Variants in DOCK9 observed in about 807,000 individuals in gnomAD.
The protein encoded by DOCK9 is dedicator of cytokinesis protein 9.
A neutral mutation model predicts 263.3 loss-of-function variants in DOCK9; 89 were observed. The ratio of observed to expected loss-of-function variants is 0.34; its 90% CI spans 0.28 to 0.40. DOCK9 has a LOEUF of 0.40. Among genes scored for constraint, DOCK9 ranks in the 10% least tolerant of loss-of-function variants. The probability of loss-of-function intolerance (pLI) is 1.00; values close to 1 mark genes in which losing one functional copy is unlikely to be tolerated. For synonymous variants in DOCK9, 976 were observed against 973.1 expected, an observed-to-expected ratio of 1.00 and a Z score of -0.06; for missense variants, 2,140 against 2,603.4, an observed-to-expected ratio of 0.82 and a Z score of 3.87.
chr13:98,806,227 A>T (rs2090687533), intron 48 of DOCK9, among the ~76,000 whole-genome samples: 1 of 152,276 alleles, frequency 6.6e-6, no homozygotes, highest in Non-Finnish European at 1.5e-5. Flanking sequence ...ACAGGTACAG[A>T]TTAATCTAGA....
At chr13:98,992,652 C>T (rs1417553178) in intron 1 of DOCK9, among the ~76,000 whole-genome samples, 5 of 152,160 alleles carry the variant, frequency 3.3e-5, no homozygotes, top group Admixed American at 6.5e-5. Context: ...ACTTGCCTGC[C>T]GCCACATAAG....
chr13:98,923,597 C>T (rs1415401435), intron 4 of DOCK9, among the ~76,000 whole-genome samples: 1 of 152,122 alleles, frequency 6.6e-6, no homozygotes, highest in African/African-American at 2.4e-5. Context: ...GACAGCATAG[C>T]TTCTGGGGAG....
chr13:98,963,957 T>C (rs2058940525), intron 1 of DOCK9, among the ~76,000 whole-genome samples: 1 of 152,234 alleles, frequency 6.6e-6, no homozygotes, highest in African/African-American at 2.4e-5. Context: ...GCAGGAAGGA[T>C]CCTCATTTTC....
chr13:99,032,283 C>A (rs994968418), intron 1 of DOCK9, among the ~76,000 whole-genome samples: 1 of 151,952 alleles, frequency 6.6e-6, no homozygotes, highest in African/African-American at 2.4e-5. Context: ...CCAGCCTGGG[C>A]AACATAGTGA....
chr13:99,086,216 C>A, intron 1 of DOCK9: 1 of 1,499,180 alleles, frequency 6.7e-7, no homozygotes, highest in East Asian at 2.8e-5. Flanking sequence ...GGTCGTCCCG[C>A]ACTCACCAGG....
intron 45 of DOCK9, among the ~76,000 whole-genome samples, chr13:98,814,912 T>C (rs2091676910): frequency 6.6e-6 from 1 of 151,082 alleles, no homozygotes. Context: ...CACTCCAGCC[T>C]GGGTGACAGT....
Position 98,988,375 on chromosome 13 carries a change from A to G in DOCK9, c.130-32824T>C, listed in dbSNP as rs1442241935. On this transcript the variant is annotated intron_variant, in intron 1 of 32. Coordinates refer to the DOCK9 transcript ENST00000427887. ...AAAGATAGGAACAGTATTCCAAGTT[A>G]TTTTCTTTTGCCTCAAGTTCCAGTG... Among the ~76,000 whole-genome samples the G allele has an allele frequency of 3.3e-5, 5 of 152,204 alleles. No individual in the cohort carries two copies. The East Asian group carries it at 9.6e-4, about 29-fold the overall frequency.
intron 15 of DOCK9, among the ~76,000 whole-genome samples, chr13:98,889,640 A>T (rs1413808731): frequency 2.0e-5 from 3 of 152,212 alleles, no homozygotes; most frequent in African/African-American, 4.8e-5. Flanking sequence ...GCTCTTGCTC[A>T]TAGCATAGTG....
rs1243495628 is a variant in DOCK9, at chr13:98,896,880, T to A, written c.1709+608A>T. On this transcript the variant is annotated intron_variant, in intron 15 of 52. Coordinates refer to ENST00000682017, the MANE Select transcript of DOCK9 (RefSeq NM_001366683.2). ...AAATGTGACCTATTTGGAAACAGGG[T>A]CTCTGCAGATGCAATCAGTTAAGAT... Among the ~76,000 whole-genome samples, 3 of 152,128 alleles carry A rather than the reference T, an allele frequency of 2.0e-5. No individual in the cohort carries two copies. The East Asian group carries it at 5.8e-4, about 29-fold the overall frequency.
chr13:99,012,153 C>T (rs1207542914), intron 1 of DOCK9, among the ~76,000 whole-genome samples: 2 of 152,206 alleles, frequency 1.3e-5, no homozygotes, highest in Middle Eastern at 3.2e-3. Flanking sequence ...TACAGTGCCT[C>T]TTGCCATTCC....
chr13:99,038,287 CCTTTTTTTT>C (rs1888107296), intron 1 of DOCK9, among the ~76,000 whole-genome samples: 2 of 48,836 alleles, frequency 4.1e-5, no homozygotes, highest in East Asian at 1.2e-3. Context: ...TTTATGCCCC[CCTTTTTTTT>C]TTTTTTTTTT....
At chr13:99,007,128 G>A (rs950040933) in intron 1 of DOCK9, among the ~76,000 whole-genome samples, 6 of 151,766 alleles carry the variant, frequency 4.0e-5, no homozygotes, top group Admixed American at 6.6e-5. Flanking sequence ...AGTGGTTCAC[G>A]CCTGTAATCC....
chr13:98,867,291 T>A, intron 30 of DOCK9, 134 bp downstream of exon 30: 3 of 634,574 alleles, frequency 4.7e-6, no homozygotes, highest in Non-Finnish European at 8.0e-6. Flanking sequence ...AATGGAAATT[T>A]CATAAGAAAA....
intron 1 of DOCK9, among the ~76,000 whole-genome samples, chr13:98,989,436 C>A (rs555074160): frequency 3.7e-4 from 56 of 151,968 alleles, no homozygotes; most frequent in South Asian, 8.3e-4. Context: ...CTGAACTGAG[C>A]CTCAAGGATC....
At chr13:98,835,448 C>T (rs1040954317) in intron 39 of DOCK9, among the ~76,000 whole-genome samples, 22 of 152,182 alleles carry the variant, frequency 1.4e-4, no homozygotes, top group Non-Finnish European at 2.5e-4. Context: ...ACCATACATT[C>T]GCCCACCTCC....
chr13:98,924,893 G>A (rs11617918), intron 4 of DOCK9, among the ~76,000 whole-genome samples: 65,617 of 151,938 alleles, frequency 0.43, 15,075 homozygotes, highest in Middle Eastern at 0.51. Context: ...GGCTAGTCTC[G>A]GTGGCTAATG....
intron 1 of DOCK9, among the ~76,000 whole-genome samples, chr13:99,041,327 T>C (rs1243533879): frequency 2.6e-5 from 4 of 151,740 alleles, no homozygotes; most frequent in Non-Finnish European, 5.9e-5. Context: ...CTACAAAAAA[T>C]AGAAAAAATA....
At chr13:98,933,074 CTG>C (rs2054223017) in intron 2 of DOCK9, among the ~76,000 whole-genome samples, 1 of 152,172 alleles carries the variant, frequency 6.6e-6, no homozygotes, top group Non-Finnish European at 1.5e-5. Flanking sequence ...TTCCCACTAA[CTG>C]TGTTATGATC....
intron 7 of DOCK9, among the ~76,000 whole-genome samples, chr13:98,916,238 T>C (rs1345753801): frequency 6.6e-6 from 1 of 152,200 alleles, no homozygotes; most frequent in Non-Finnish European, 1.5e-5. Context: ...GGTCCATGCA[T>C]TGTACAATGT....
Sources: gnomAD v4.1 joint callset for allele counts (sites outside exome capture counted in the v4.1 genomes callset) on GRCh38, gnomAD v4.1.1 for gene constraint, MANE v1.5 for transcripts, NCBI Gene and HGNC (gene_info 2026-07-23, HGNC 2026-07-21) for gene names.